BAZ2B: variants seen among roughly 807,000 people sequenced by gnomAD.
The protein encoded by BAZ2B is bromodomain adjacent to zinc finger domain protein 2B.
BAZ2B carries 91 observed loss-of-function variants against 246.0 expected under a neutral mutation model. The ratio of observed to expected loss-of-function variants is 0.37; its 90% CI spans 0.31 to 0.44. BAZ2B has a LOEUF of 0.44. Among genes scored for constraint, BAZ2B ranks in the 20% least tolerant of loss-of-function variants. The pLI, the probability that BAZ2B is intolerant of heterozygous loss-of-function variation, is 1.00. For synonymous variants in BAZ2B, 855 were observed against 860.0 expected (o/e 0.99, Z 0.10); for missense variants, 2,332 against 2,533.7 (o/e 0.92, Z 1.71).
intron 20 of BAZ2B, among the ~76,000 whole-genome samples, chr2:159,394,302 C>T (rs998196870): frequency 3.3e-5 from 5 of 152,148 alleles, no homozygotes; most frequent in African/African-American, 9.7e-5. Flanking sequence ...CCTTACTCTT[C>T]CCTTCACTGT....
At chr2:159,361,127 T>C (rs1341997028) in intron 27 of BAZ2B, among the ~76,000 whole-genome samples, 2 of 152,142 alleles carry the variant, frequency 1.3e-5, no homozygotes, top group African/African-American at 4.8e-5. Context: ...AAAGAACTTC[T>C]GCACAGCAAA....
chr2:159,553,459 G>C (rs143124618), intron 2 of BAZ2B, among the ~76,000 whole-genome samples: 32 of 150,670 alleles, frequency 2.1e-4, no homozygotes, highest in African/African-American at 7.6e-4. Flanking sequence ...GACAAACTGA[G>C]GAAGGATCTT....
At chr2:159,703,930 A>G in the BAZ2B span, among the ~76,000 whole-genome samples, 1 of 152,180 alleles carries the variant, frequency 6.6e-6, no homozygotes, top group Non-Finnish European at 1.5e-5. Flanking sequence ...TTCAAACTAC[A>G]ACAATCAACC....
At chr2:159,338,604 A>C (rs1025978472) in intron 31 of BAZ2B, among the ~76,000 whole-genome samples, 3 of 152,172 alleles carry the variant, frequency 2.0e-5, no homozygotes, top group African/African-American at 7.2e-5. Flanking sequence ...GGAAATGTTC[A>C]CCATGGCATT....
chr2:159,687,028 C>T, the BAZ2B span, among the ~76,000 whole-genome samples: 3 of 103,640 alleles, frequency 2.9e-5, no homozygotes, highest in Admixed American at 1.4e-4. Flanking sequence ...GGTGACAGAG[C>T]GAGACTCCAT....
the BAZ2B span, among the ~76,000 whole-genome samples, chr2:159,671,392 T>G: frequency 8.1e-4 from 124 of 152,328 alleles, no homozygotes; most frequent in African/African-American, 2.7e-3. Flanking sequence ...TTGGTAGCTA[T>G]ACGGGACATA....
At chr2:159,674,486 G>A in the BAZ2B span, among the ~76,000 whole-genome samples, 1 of 152,014 alleles carries the variant, frequency 6.6e-6, no homozygotes, top group East Asian at 1.9e-4. Context: ...AGGTTGAGGT[G>A]GGCCGATCAC....
At chr2:159,588,232 A>AAAAAC (rs11443142) in intron 1 of BAZ2B, among the ~76,000 whole-genome samples, 1 of 148,760 alleles carries the variant, frequency 6.7e-6, no homozygotes, top group African/African-American at 2.5e-5. Context: ...AAAAAAAAAA[A>AAAAAC]CCCCTGCTTG....
Position 159,433,036 on chromosome 2 carries a change from C to T in BAZ2B, c.1621G>A (p.Gly541Arg). The T allele has an allele frequency of 6.2e-7, 1 of 1,614,168 alleles. No homozygotes were observed. Among genetic ancestry groups the T allele is most frequent in the South Asian group, 1.1e-5 (1 of 91,080 alleles). The change falls in exon 9 of 37, where the codon GGG becomes AGG. Residue 541 changes from glycine (G) to arginine (R), a missense_variant. Physicochemically the swap from Gly to Arg is moderately radical, Grantham distance 125. This residue lies in a region of BAZ2B where 651 missense variants were observed against 650.9 expected (regional missense o/e 1.00). Coordinates refer to ENST00000392783, the MANE Select transcript of BAZ2B (RefSeq NM_013450.4). The stretch of plus-strand genomic sequence containing the variant: ...GTCTGATTGCCAGGGGTTCTTCTCC[C>T]ACTTGTACTCAGATTTACAGGTGAG... Reference protein sequence around the residue: ...FSSPVNLSTSGRRTPGNQTPV... With the variant: ...FSSPVNLSTSRRRTPGNQTPV...
chr2:159,443,711 T>C (rs114592954), intron 6 of BAZ2B, among the ~76,000 whole-genome samples: 2,341 of 152,286 alleles, frequency 0.015, 72 homozygotes, highest in East Asian at 0.091. Flanking sequence ...TTCTGCTTAG[T>C]TGCCTTAGAC....
the BAZ2B span, among the ~76,000 whole-genome samples, chr2:159,697,413 A>G: frequency 6.6e-6 from 1 of 152,216 alleles, no homozygotes; most frequent in Non-Finnish European, 1.5e-5. Context: ...AAATAATGTG[A>G]TATCTAATCA....
chr2:159,416,382 G>C (rs1472192620), intron 13 of BAZ2B, among the ~76,000 whole-genome samples: 1 of 152,118 alleles, frequency 6.6e-6, no homozygotes. Context: ...GTCAGGTTAT[G>C]TTCACCAGCA....
At position 159,468,928 on chromosome 2, in the gene BAZ2B, G is replaced by A. The variant is rs113960149; in HGVS notation, c.145+9647C>T. 3.7e-3 allele frequency among the ~76,000 whole-genome samples: 560 copies of A among 151,844 alleles called. 1 individual carries two copies. The highest frequency in any genetic ancestry group is 0.013 in the African/African-American group (527 of 41,450). ...TAGCTAGGTGTGGTGGTGGGTGCCT[G>A]TAATCACATCTACTTGGGAGGCTGA... On this transcript the variant is annotated intron_variant, in intron 3 of 36. Transcript: ENST00000392783.
intron 1 of BAZ2B, among the ~76,000 whole-genome samples, chr2:159,587,169 C>T (rs1381339780): frequency 2.0e-5 from 3 of 151,882 alleles, no homozygotes; most frequent in Non-Finnish European, 2.9e-5. Context: ...AGCTCCACCT[C>T]CCGGGTTCAC....
At chr2:159,652,150 T>G in the BAZ2B span, among the ~76,000 whole-genome samples, 1 of 151,978 alleles carries the variant, frequency 6.6e-6, no homozygotes, top group South Asian at 2.1e-4. Context: ...AATTTTACTT[T>G]CTCCCCAGCA....
chr2:159,621,380 T>A (rs972017651), upstream of BAZ2B, among the ~76,000 whole-genome samples: 1 of 152,100 alleles, frequency 6.6e-6, no homozygotes. Flanking sequence ...CTGATAAACA[T>A]CCCTGATTAA....
chr2:159,681,234 C>T, the BAZ2B span, among the ~76,000 whole-genome samples: 1 of 151,872 alleles, frequency 6.6e-6, no homozygotes, highest in Admixed American at 6.6e-5. Context: ...AAACAGCTAT[C>T]AAAATTAATA....
chr2:159,342,403 A>C (rs2066886944), intron 31 of BAZ2B, among the ~76,000 whole-genome samples: 1 of 152,182 alleles, frequency 6.6e-6, no homozygotes, highest in Non-Finnish European at 1.5e-5. Flanking sequence ...CTCCCACCTC[A>C]GCCTCCCAAG....
At chr2:159,436,299 A>G (rs964194180) in intron 8 of BAZ2B, among the ~76,000 whole-genome samples, 6 of 152,190 alleles carry the variant, frequency 3.9e-5, no homozygotes, top group African/African-American at 1.4e-4. Context: ...ATTGACACCA[A>G]TAAGTTTTTA....
Sources: gnomAD v4.1 joint callset for allele counts (sites outside exome capture counted in the v4.1 genomes callset) on GRCh38, gnomAD v4.1.1 for gene constraint, gnomAD v4.1.1 regional missense constraint, MANE v1.5 for transcripts, NCBI Gene and HGNC (gene_info 2026-07-23, HGNC 2026-07-21) for gene names.